The following CHST9 variants were observed in gnomAD, a reference collection of about 807,000 sequenced individuals.
The protein encoded by CHST9 is carbohydrate sulfotransferase 9.
Under a neutral mutation model 44.4 loss-of-function variants are expected in CHST9, and 41 were observed. That is an observed-to-expected ratio of 0.92 (90% confidence interval 0.72 to 1.20). CHST9 has a LOEUF of 1.20. Ranked by LOEUF, CHST9 falls within the 50% of genes most tolerant of loss-of-function variation. The pLI is 0.00. For missense variants in CHST9, 504 were observed against 516.5 expected (o/e 0.98, Z 0.23); for synonymous variants, 171 against 178.4 (o/e 0.96, Z 0.33).
chr18:27,066,391 A>C (rs2057782556), intron 2 of CHST9, among the ~76,000 whole-genome samples: 1 of 152,234 alleles, frequency 6.6e-6, no homozygotes, highest in Non-Finnish European at 1.5e-5. Context: ...AGAAATGCTG[A>C]ATAAATGACA....
chr18:27,148,488 A>G (rs1189919733), intron 1 of CHST9, among the ~76,000 whole-genome samples: 4 of 133,746 alleles, frequency 3.0e-5, no homozygotes, highest in Non-Finnish European at 4.6e-5. Flanking sequence ...ATTCCCACCT[A>G]TGAGTGAGAA....
At chr18:27,073,380 C>T (rs9635977) in intron 2 of CHST9, among the ~76,000 whole-genome samples, 103,312 of 140,604 alleles carry the variant, frequency 0.73, 37,709 homozygotes, top group African/African-American at 0.78. Context: ...AGCTGGTGCA[C>T]TGGTAGCGCC....
At chr18:27,000,085 C>G (rs1221799290) in intron 4 of CHST9, among the ~76,000 whole-genome samples, 2 of 152,178 alleles carry the variant, frequency 1.3e-5, no homozygotes, top group African/African-American at 4.8e-5. Flanking sequence ...CCTAGGCTGT[C>G]TTTTTTCATT....
intron 4 of CHST9, among the ~76,000 whole-genome samples, chr18:26,967,078 T>G (rs1483056222): frequency 6.6e-6 from 1 of 152,114 alleles, no homozygotes; most frequent in Admixed American, 6.5e-5. Flanking sequence ...GGCTTTATTC[T>G]TCCTTTTGTG....
intron 4 of CHST9, among the ~76,000 whole-genome samples, chr18:26,958,808 A>C (rs943738500): frequency 3.9e-5 from 6 of 152,252 alleles, no homozygotes; most frequent in African/African-American, 1.4e-4. Context: ...TATTACTAAA[A>C]GTCGAAACAG....
intron 4 of CHST9, among the ~76,000 whole-genome samples, chr18:26,993,147 C>T (rs1047750525): frequency 7.2e-5 from 11 of 152,144 alleles, no homozygotes; most frequent in African/African-American, 2.7e-4. Context: ...ACCAGTCTCT[C>T]GTAAATTCTA....
At chr18:27,109,613 A>C (rs2058252492) in intron 2 of CHST9, among the ~76,000 whole-genome samples, 1 of 152,222 alleles carries the variant, frequency 6.6e-6, no homozygotes, top group Non-Finnish European at 1.5e-5. Context: ...AAGGGAGAGC[A>C]GGGCCATGCG....
intron 2 of CHST9, among the ~76,000 whole-genome samples, chr18:27,093,861 T>C (rs1371262806): frequency 2.1e-5 from 3 of 145,084 alleles, no homozygotes; most frequent in Non-Finnish European, 4.5e-5. Flanking sequence ...TAGCTGTTCC[T>C]CTTCAGCCAC....
intron 4 of CHST9, among the ~76,000 whole-genome samples, chr18:26,996,055 T>C (rs1478563744): frequency 2.0e-5 from 3 of 152,226 alleles, no homozygotes; most frequent in Non-Finnish European, 4.4e-5. Flanking sequence ...ACATGTCTTA[T>C]AAGCCAGGAA....
At chr18:27,020,466 C>A (rs1416287845) in intron 4 of CHST9, among the ~76,000 whole-genome samples, 1 of 152,210 alleles carries the variant, frequency 6.6e-6, no homozygotes, top group Non-Finnish European at 1.5e-5. Flanking sequence ...GGTCTCTCAA[C>A]CCCTAATGAG....
chr18:27,178,764 A>G (rs1243880635), intron 1 of CHST9, among the ~76,000 whole-genome samples: 3 of 152,002 alleles, frequency 2.0e-5, no homozygotes, highest in Non-Finnish European at 4.4e-5. Context: ...AACTTCTAAT[A>G]TGCTGCACAG....
At chr18:27,066,338 G>A (rs2057782170) in intron 2 of CHST9, among the ~76,000 whole-genome samples, 2 of 152,194 alleles carry the variant, frequency 1.3e-5, no homozygotes, top group Non-Finnish European at 2.9e-5. Flanking sequence ...GTTCAAGGTG[G>A]AAGCAATAAT....
At chr18:27,124,450 C>T (rs1235163834) in intron 2 of CHST9, among the ~76,000 whole-genome samples, 1 of 152,224 alleles carries the variant, frequency 6.6e-6, no homozygotes, top group Non-Finnish European at 1.5e-5. Context: ...ATTTCAAATG[C>T]ATACCTGCTT....
intron 5 of CHST9, chr18:26,934,334 A>C (rs1212028053): frequency 2.0e-5 from 3 of 150,074 alleles, no homozygotes; most frequent in Non-Finnish European, 4.4e-5. Context: ...TCCCGGGTTC[A>C]CGCCATTCTC....
chr18:27,162,256 C>A (rs2058753551), intron 1 of CHST9, among the ~76,000 whole-genome samples: 1 of 152,102 alleles, frequency 6.6e-6, no homozygotes, highest in South Asian at 2.1e-4. Context: ...CTGGTTGTTC[C>A]TTTCCATGTT....
rs558769703 is a variant in CHST9, at chr18:27,028,658, C to A, written c.161-4501G>T. 6.6e-5 allele frequency among the ~76,000 whole-genome samples: 10 copies of A among 152,298 alleles called. No individual in the cohort carries two copies. The East Asian group carries it at 1.7e-3, about 26-fold the overall frequency. On this transcript the variant is annotated intron_variant, in intron 3 of 5. Transcript: ENST00000618847. ...TGCCTTCCGGGTTCACGCCGTTCTCCTGCCTCAGCCTCCTGAGTAGCTGGG... is the reference window on the plus strand; with the variant it reads ...TGCCTTCCGGGTTCACGCCGTTCTCATGCCTCAGCCTCCTGAGTAGCTGGG...
intron 2 of CHST9, among the ~76,000 whole-genome samples, chr18:27,090,957 T>A (rs575722125): frequency 7.2e-5 from 11 of 152,140 alleles, no homozygotes; most frequent in Non-Finnish European, 1.3e-4. Context: ...TGAACTTTAA[T>A]GTAGTTTTTT....
At chr18:27,093,279 A>T (rs2058086610) in intron 2 of CHST9, among the ~76,000 whole-genome samples, 2 of 152,186 alleles carry the variant, frequency 1.3e-5, no homozygotes, top group Non-Finnish European at 2.9e-5. Context: ...CCCTCTTCAG[A>T]GCTGTCAGAC....
intron 1 of CHST9, among the ~76,000 whole-genome samples, chr18:27,182,668 A>G (rs1012149669): frequency 6.6e-6 from 1 of 152,216 alleles, no homozygotes; most frequent in African/African-American, 2.4e-5. Context: ...TCTTTCTTGG[A>G]TAGGGAACTG....
Sources: gnomAD v4.1 joint callset for allele counts (sites outside exome capture counted in the v4.1 genomes callset) on GRCh38, gnomAD v4.1.1 for gene constraint, MANE v1.5 for transcripts, NCBI Gene and HGNC (gene_info 2026-07-23, HGNC 2026-07-21) for gene names.